Variants in NEO1 observed in about 807,000 individuals in gnomAD.
NEO1 encodes the protein neogenin 1, also known as neogenin.
In NEO1, 63 loss-of-function variants were observed where a neutral mutation model predicts 159.7. The ratio of observed to expected loss-of-function variants is 0.39; its 90% confidence interval spans 0.32 to 0.49. The LOEUF is 0.49. Among genes scored for constraint, NEO1 ranks in the 20% least tolerant of loss-of-function variants. The probability of loss-of-function intolerance (pLI) is 0.85; values close to 1 mark genes in which losing one functional copy is unlikely to be tolerated. For synonymous variants in NEO1, 633 were observed against 662.0 expected (o/e 0.96, Z 0.67); for missense variants, 1,615 against 1,831.0 (o/e 0.88, Z 2.15).
At chr15:73,171,634 T>TATG (rs2034976195) in intron 5 of NEO1, among the ~76,000 whole-genome samples, 2 of 147,156 alleles carry the variant, frequency 1.4e-5, no homozygotes, top group Non-Finnish European at 3.0e-5. Flanking sequence ...TTATTATTAT[T>TATG]ATTATTATTA....
At chr15:73,253,196 C>T (rs890973210) in intron 11 of NEO1, among the ~76,000 whole-genome samples, 5 of 151,902 alleles carry the variant, frequency 3.3e-5, no homozygotes, top group African/African-American at 1.2e-4. Context: ...ATGAAAGTGT[C>T]TTATGTTAAA....
Position 73,249,001 on chromosome 15 carries a change from G to A in NEO1, c.1607-59G>A. On this transcript the variant is annotated intron_variant, in intron 9 of 28. Coordinates refer to ENST00000261908, the MANE Select transcript of NEO1 (RefSeq NM_002499.4). Reference sequence around the variant, plus strand: ...CCAATATGACAGTATTGCCAAGAATGGTTATTGAGGAGTGTAGCATTTCAT... The same window carrying A: ...CCAATATGACAGTATTGCCAAGAATAGTTATTGAGGAGTGTAGCATTTCAT... 4 of 1,546,106 alleles carry A rather than the reference G, an allele frequency of 2.6e-6. No individual in the cohort carries two copies. The South Asian group carries it at 3.6e-5, about 14-fold the overall frequency.
intron 9 of NEO1, among the ~76,000 whole-genome samples, chr15:73,244,960 A>AAAAAAAAAAAAAAAC (rs1293071153): frequency 5.2e-5 from 7 of 134,110 alleles, no homozygotes; most frequent in African/African-American, 1.9e-4. Context: ...GTCTCAAAAA[A>AAAAAAAAAAAAAAAC]AAAAAAAAAA....
chr15:73,105,330 G>A (rs560131984), intron 1 of NEO1, among the ~76,000 whole-genome samples: 2 of 152,270 alleles, frequency 1.3e-5, no homozygotes, highest in African/African-American at 2.4e-5. Context: ...GAGTCTATAC[G>A]CCTAAGAGTG....
Position 73,260,262 on chromosome 15 carries a change from C to T in NEO1, c.2204-9C>T, listed in dbSNP as rs2040561951. ...TATCTCATCTTGCTTTTCCACTTTT[C>T]CTTCCCAGAAACTCGTGTTCCTGAA... is the stretch of plus-strand genomic sequence containing the variant. On this transcript the variant is annotated splice_polypyrimidine_tract_variant and intron_variant, in intron 14 of 28. Transcript: ENST00000261908. 6.2e-7 allele frequency: 1 copy of T among 1,609,086 alleles called. No homozygotes were observed. The highest frequency in any genetic ancestry group is 8.5e-7 in the Non-Finnish European group (1 of 1,176,928).
chr15:73,094,244 T>C (rs2069870795), intron 1 of NEO1, among the ~76,000 whole-genome samples: 1 of 152,204 alleles, frequency 6.6e-6, no homozygotes, highest in South Asian at 2.1e-4. Flanking sequence ...CCATTTCTCA[T>C]GTTCCCCGGT....
intron 1 of NEO1, among the ~76,000 whole-genome samples, chr15:73,061,504 G>T (rs1004575940): frequency 3.3e-5 from 5 of 152,206 alleles, no homozygotes; most frequent in Admixed American, 1.3e-4. Flanking sequence ...ACCAGGAGGG[G>T]AGGTGAGGTG....
chr15:73,112,782 A>C (rs2071076849), intron 1 of NEO1, among the ~76,000 whole-genome samples: 1 of 152,130 alleles, frequency 6.6e-6, no homozygotes, highest in Non-Finnish European at 1.5e-5. Flanking sequence ...TGATTCTTGT[A>C]CCTGTTTTGT....
chr15:73,203,242 G>C (rs2037008301), intron 7 of NEO1, among the ~76,000 whole-genome samples: 1 of 152,144 alleles, frequency 6.6e-6, no homozygotes. Flanking sequence ...AAGAGTTCCA[G>C]GTTTTCAGTA....
At chr15:73,056,098 G>A (rs2067682743) in intron 1 of NEO1, among the ~76,000 whole-genome samples, 1 of 152,176 alleles carries the variant, frequency 6.6e-6, no homozygotes, top group Admixed American at 6.5e-5. Flanking sequence ...TGTAGCTTGG[G>A]TGTTAGAACT....
At chr15:73,081,680 A>G (rs944649041) in intron 1 of NEO1, among the ~76,000 whole-genome samples, 10 of 151,706 alleles carry the variant, frequency 6.6e-5, no homozygotes, top group African/African-American at 2.4e-4. Context: ...GACTCAAGCA[A>G]TCTTCCCACC....
At chr15:73,273,610 C>T (rs1182844046) in intron 19 of NEO1, among the ~76,000 whole-genome samples, 2 of 152,124 alleles carry the variant, frequency 1.3e-5, no homozygotes, top group Non-Finnish European at 2.9e-5. Flanking sequence ...CCTAGGAGAT[C>T]ACATCGGTAA....
At chr15:73,089,089 T>C (rs1407243924) in intron 1 of NEO1, among the ~76,000 whole-genome samples, 1 of 152,138 alleles carries the variant, frequency 6.6e-6, no homozygotes, top group African/African-American at 2.4e-5. Context: ...TATTGGTTAG[T>C]AATTCAACAA....
chr15:73,182,434 C>T (rs538981325), intron 7 of NEO1, among the ~76,000 whole-genome samples: 6 of 152,256 alleles, frequency 3.9e-5, no homozygotes, highest in East Asian at 3.9e-4. Context: ...TAATCTACAA[C>T]GTCACAGGTT....
intron 1 of NEO1, among the ~76,000 whole-genome samples, chr15:73,065,223 A>G (rs2068157041): frequency 6.6e-6 from 1 of 151,046 alleles, no homozygotes; most frequent in Non-Finnish European, 1.5e-5. Flanking sequence ...CTCACTATTC[A>G]TTTAGTTTTA....
rs1230589419 is a variant in NEO1, at chr15:73,231,928, C to G, written c.1292-4419C>G. ...TTAGCTTATCAATAAGGTAAACTCT[C>G]AGATCCTGCTTAGTTCCTGACAGTT... On this transcript the variant is annotated intron_variant, in intron 7 of 28. Coordinates refer to ENST00000261908, the MANE Select transcript of NEO1 (RefSeq NM_002499.4). Among the ~76,000 whole-genome samples, 4 of 152,188 alleles carry G rather than the reference C, an allele frequency of 2.6e-5. No individual in the cohort carries two copies. In the East Asian group the frequency reaches 7.7e-4, roughly 29 times the overall value.
intron 5 of NEO1, among the ~76,000 whole-genome samples, chr15:73,168,887 T>G (rs892660413): frequency 1.5e-4 from 22 of 143,410 alleles, no homozygotes; most frequent in South Asian, 4.5e-4. Context: ...ATTTGTTGGG[T>G]TTTTTTTTTT....
At chr15:73,069,125 A>AT (rs962027800) in intron 1 of NEO1, among the ~76,000 whole-genome samples, 1,101 of 105,400 alleles carry the variant, frequency 0.01, 16 homozygotes, top group African/African-American at 0.036. Context: ...TAATTTTTGT[A>AT]TTTTTTTTTT....
In NEO1 at chr15:73,249,606, T is replaced by C; in HGVS notation, c.1779T>C (p.Ser593=). 6.2e-7 allele frequency: 1 copy of C among 1,612,090 alleles called. No individual in the cohort carries two copies. Among genetic ancestry groups the C allele is most frequent in the Non-Finnish European group, 8.5e-7 (1 of 1,179,374 alleles). The change falls in exon 11 of 29, where the codon TCT becomes TCC. Residue 593 remains serine, a synonymous_variant. Coordinates refer to ENST00000261908, the MANE Select transcript of NEO1 (RefSeq NM_002499.4). The part of the protein sequence containing the change: ...KEQDVDVSSH[S]YTINGLKKYT... ...AGGATGTTGATGTTTCAAGTCACTC[T>C]TACACCATTAATGGGTTGAAAAAAT...
Sources: gnomAD v4.1 joint callset for allele counts (sites outside exome capture counted in the v4.1 genomes callset) on GRCh38, gnomAD v4.1.1 for gene constraint, MANE v1.5 for transcripts, NCBI Gene and HGNC (gene_info 2026-07-23, HGNC 2026-07-21) for gene names.